Variants in SCGB2B2 observed in about 807,000 individuals in gnomAD.
The protein encoded by SCGB2B2 is secretoglobin-like protein.
SCGB2B2 carries 11 observed loss-of-function variants against 7.6 expected under a neutral mutation model. That is an observed-to-expected ratio of 1.45 (90% CI 0.91 to 2.40). The LOEUF is 2.40. Among genes scored for constraint, SCGB2B2 ranks in the 30% most tolerant of loss-of-function variants. The probability of loss-of-function intolerance (pLI) is 0.00; values close to 1 mark genes in which losing one functional copy is unlikely to be tolerated. For synonymous variants in SCGB2B2, 50 were observed against 48.6 expected, an observed-to-expected ratio of 1.03 and a Z score of -0.12; for missense variants, 104 against 115.4, an observed-to-expected ratio of 0.90 and a Z score of 0.45.
intron 1 of SCGB2B2, among the ~76,000 whole-genome samples, chr19:34,670,316 T>A (rs1035995472): frequency 3.3e-5 from 5 of 152,204 alleles, no homozygotes; most frequent in African/African-American, 9.7e-5. Flanking sequence ...TTTCACAAAC[T>A]GACTAACTGT....
intron 1 of SCGB2B2, among the ~76,000 whole-genome samples, chr19:34,662,951 CAAACAAACAAA>C (rs2067502998): frequency 6.8e-6 from 1 of 147,816 alleles, no homozygotes; most frequent in Non-Finnish European, 1.5e-5. Flanking sequence ...AACAAACAAA[CAAACAAACAAA>C]AAAAAACAAT....
At chr19:34,662,913 T>G (rs771986735) in intron 1 of SCGB2B2, among the ~76,000 whole-genome samples, 7 of 151,754 alleles carry the variant, frequency 4.6e-5, no homozygotes, top group Non-Finnish European at 8.8e-5. Flanking sequence ...CCTGGGCGGC[T>G]GAGAGAGACC....
rs1382848899 is a variant in SCGB2B2, at chr19:34,676,210, T to G, written c.-2612A>C. ...AAACCTTTAGCTAGACACAGAGCAC[T>G]GATTGGTGTATTTACAATCCTTCAG... On this transcript the variant is annotated 5_prime_UTR_variant, in exon 1 of 4. Coordinates refer to ENST00000601241, the MANE Select transcript of SCGB2B2 (RefSeq NM_001025591.4). The G allele has an allele frequency of 6.6e-6, 1 of 152,250 alleles. No homozygotes were observed. Among genetic ancestry groups the G allele is most frequent in the Non-Finnish European group, 1.5e-5 (1 of 68,060 alleles). 9.4% of individuals were successfully genotyped at this position (152,250 alleles called of 1,614,324 possible). A position where few individuals can be genotyped will look rare whatever the true frequency, so the allele number is the denominator to read the frequency against.
chr19:34,672,487 T>C (rs566997728), intron 1 of SCGB2B2, among the ~76,000 whole-genome samples: 4 of 152,390 alleles, frequency 2.6e-5, no homozygotes, highest in African/African-American at 7.2e-5. Context: ...CTACAATTTA[T>C]TTTGTATGTT....
At chr19:34,603,166 T>C (rs2145792586) in intron 1 of SCGB2B2, among the ~76,000 whole-genome samples, 1 of 152,264 alleles carries the variant, frequency 6.6e-6, no homozygotes, top group African/African-American at 2.4e-5. Flanking sequence ...TAAATTAACT[T>C]AGATTTATGA....
chr19:34,606,533 G>T lies in SCGB2B2; in HGVS notation c.-2031-9939C>A, dbSNP rs1314520707. On this transcript the variant is annotated intron_variant, in intron 1 of 3. Transcript: ENST00000601241. Reference sequence around the variant, plus strand: ...TTTCTTTTTCTTTTTTTTTTTGCTGGTGAGGACACTTACTTAAGATATAAA... The same window carrying T: ...TTTCTTTTTCTTTTTTTTTTTGCTGTTGAGGACACTTACTTAAGATATAAA... Among the ~76,000 whole-genome samples, 7 of 148,000 alleles carry T rather than the reference G, an allele frequency of 4.7e-5. 1 individual carries two copies. Among genetic ancestry groups the T allele is most frequent in the Non-Finnish European group, 1.0e-4 (7 of 66,888 alleles).
chr19:34,642,175 G>T (rs1030279730), intron 1 of SCGB2B2, among the ~76,000 whole-genome samples: 7 of 152,192 alleles, frequency 4.6e-5, no homozygotes, highest in African/African-American at 1.7e-4. Context: ...TAAAAGATCA[G>T]TTCTGTCTCA....
chr19:34,628,672 G>A (rs1408922154), intron 1 of SCGB2B2, among the ~76,000 whole-genome samples: 2 of 151,862 alleles, frequency 1.3e-5, no homozygotes, highest in East Asian at 3.9e-4. Context: ...ATTCACAGCT[G>A]ATTTCTACCA....
intron 1 of SCGB2B2, chr19:34,645,327 G>A (rs116151331): frequency 0.011 from 1,610 of 153,286 alleles, 12 homozygotes; most frequent in African/African-American, 0.037. Flanking sequence ...TCACACCACA[G>A]TGCTCAGCCC....
chr19:34,671,692 C>T (rs2067807150), intron 1 of SCGB2B2, among the ~76,000 whole-genome samples: 1 of 152,138 alleles, frequency 6.6e-6, no homozygotes, highest in Admixed American at 6.5e-5. Flanking sequence ...ATATCTTGCA[C>T]ATCTTATGTG....
At chr19:34,621,285 A>G (rs62121961) in intron 1 of SCGB2B2, among the ~76,000 whole-genome samples, 47,971 of 152,120 alleles carry the variant, frequency 0.32, 8,409 homozygotes, top group Middle Eastern at 0.47. Context: ...CTCAGGGTGG[A>G]GCTCTTTAAG....
intron 1 of SCGB2B2, among the ~76,000 whole-genome samples, chr19:34,622,072 A>G (rs384452): frequency 0.5 from 75,362 of 152,028 alleles, 19,471 homozygotes; most frequent in African/African-American, 0.63. Context: ...CAGTTAAGTC[A>G]TTCCTCATGG....
intron 1 of SCGB2B2, among the ~76,000 whole-genome samples, chr19:34,600,878 A>G (rs1159318428): frequency 1.3e-5 from 2 of 151,866 alleles, no homozygotes; most frequent in Non-Finnish European, 2.9e-5. Flanking sequence ...AAAGTTTACT[A>G]TAATTAAATT....
At chr19:34,599,026 C>A (rs1470274556) in intron 1 of SCGB2B2, among the ~76,000 whole-genome samples, 4 of 152,264 alleles carry the variant, frequency 2.6e-5, no homozygotes, top group Non-Finnish European at 5.9e-5. Context: ...AATGGCCTGC[C>A]CCCAAATCCT....
In SCGB2B2 at chr19:34,675,998, A is replaced by G. The variant is rs941538913; in HGVS notation, c.-2400T>C. The G allele has an allele frequency of 6.6e-6, 1 of 152,218 alleles. No individual in the cohort carries two copies. Among genetic ancestry groups the G allele is most frequent in the Non-Finnish European group, 1.5e-5 (1 of 68,058 alleles). 9.4% of individuals were successfully genotyped at this position (152,218 alleles called of 1,614,324 possible). A position where few individuals can be genotyped will look rare whatever the true frequency, so the allele number is the denominator to read the frequency against. ...GTGCAGACCCAAAGAGCAAAAGAAC[A>G]AACATCCCACACCTGGGAAGTAGAC... is the stretch of plus-strand genomic sequence containing the variant. On this transcript the variant is annotated 5_prime_UTR_variant, in exon 1 of 4. Coordinates refer to ENST00000601241, the MANE Select transcript of SCGB2B2 (RefSeq NM_001025591.4).
Position 34,643,387 on chromosome 19 carries a change from G to A in SCGB2B2, c.-2032+32243C>T, listed in dbSNP as rs1445922303. ...GAAAAGTTGACCTCATAAAGGTAGA[G>A]AGTAGAAGGATAGACACTACAGGCT... On this transcript the variant is annotated intron_variant, in intron 1 of 3. Transcript: ENST00000601241. Among the ~76,000 whole-genome samples, 5 of 152,186 alleles carry A rather than the reference G, an allele frequency of 3.3e-5. No individual in the cohort carries two copies. The East Asian group carries it at 7.7e-4, about 23-fold the overall frequency.
At chr19:34,604,836 G>A (rs2065734001) in intron 1 of SCGB2B2, among the ~76,000 whole-genome samples, 1 of 151,912 alleles carries the variant, frequency 6.6e-6, no homozygotes, top group Non-Finnish European at 1.5e-5. Context: ...TTTATATCTT[G>A]TATATTTTTA....
intron 1 of SCGB2B2, among the ~76,000 whole-genome samples, chr19:34,656,149 G>T (rs1245339345): frequency 6.6e-6 from 1 of 151,238 alleles, no homozygotes; most frequent in Non-Finnish European, 1.5e-5. Context: ...AAAACTATAT[G>T]CTGATTAAGG....
chr19:34,612,774 T>C (rs1162497607), intron 1 of SCGB2B2, among the ~76,000 whole-genome samples: 1 of 152,222 alleles, frequency 6.6e-6, no homozygotes, highest in Admixed American at 6.5e-5. Flanking sequence ...CCAACTGTAA[T>C]TGTATTGGAG....
Sources: allele counts gnomAD v4.1 joint callset (sites outside exome capture counted in the v4.1 genomes callset), GRCh38; gene constraint gnomAD v4.1.1; transcripts MANE v1.5; gene names NCBI Gene and HGNC (gene_info 2026-07-23, HGNC 2026-07-21).